Variants in TDRD1 observed in about 807,000 individuals in gnomAD.
The protein encoded by TDRD1 is tudor domain containing 1.
In TDRD1, 37 loss-of-function variants were observed where a neutral mutation model predicts 140.6. The observed-to-expected ratio is 0.26, with a 90% CI of 0.20 to 0.35. TDRD1 has a LOEUF of 0.35. TDRD1 is among the 10% of genes least tolerant of loss of function. The pLI is 1.00. For missense variants in TDRD1, 1,243 were observed against 1,393.0 expected (o/e 0.89, Z 1.71); for synonymous variants, 506 against 475.7 (o/e 1.06, Z -0.83).
intron 10 of TDRD1, 75 bp downstream of exon 10, chr10:114,204,968 C>T (rs946916004): frequency 2.6e-5 from 35 of 1,361,156 alleles, no homozygotes; most frequent in East Asian, 2.7e-5. Flanking sequence ...GAAACGGAAA[C>T]ATCAAGTGAG....
chr10:114,194,802 AGGCTGGAGTGTAGT>A (rs1380241093), intron 3 of TDRD1, among the ~76,000 whole-genome samples: 1 of 144,320 alleles, frequency 6.9e-6, no homozygotes, highest in East Asian at 2.0e-4. Flanking sequence ...TCTGTCATCC[AGGCTGGAGTGTAGT>A]GGCACAATCA....
At position 114,196,833 on chromosome 10, in the gene TDRD1, C is replaced by CTTTTTTTTTTTT. The variant is rs36124319; in HGVS notation, c.385-2321_385-2310dup. ...ACCAAATTTGGAAGTTTCTAGCAGT[C>CTTTTTTTTTTTT]TTTTTTTTTTTTTTTTTTTTTTTTT... On this transcript the variant is annotated intron_variant, in intron 3 of 25. Transcript: ENST00000251864. 2.0e-3 allele frequency among the ~76,000 whole-genome samples: 97 copies of CTTTTTTTTTTTT among 48,356 alleles called. 22 individuals are homozygous for CTTTTTTTTTTTT. Among genetic ancestry groups the CTTTTTTTTTTTT allele is most frequent in the Non-Finnish European group, 2.6e-3 (72 of 28,102 alleles). 31.7% of individuals were successfully genotyped at this position (48,356 alleles called of 152,430 possible).
intron 14 of TDRD1, among the ~76,000 whole-genome samples, chr10:114,212,335 A>C (rs2035538539): frequency 6.6e-6 from 1 of 152,180 alleles, no homozygotes; most frequent in African/African-American, 2.4e-5. Flanking sequence ...TATATCCCAA[A>C]ATACTTCCTT....
At chr10:114,187,764 C>T (rs937294684) in intron 1 of TDRD1, 62 bp from the exon 2 acceptor site, 12 of 1,348,834 alleles carry the variant, frequency 8.9e-6, no homozygotes, top group Non-Finnish European at 1.1e-5. Context: ...TTCCTCTGAG[C>T]CTGCAGTTCT....
intron 14 of TDRD1, 119 bp from the exon 15 acceptor site, chr10:114,213,227 A>C (rs1295485147): frequency 1.1e-6 from 1 of 872,802 alleles, no homozygotes; most frequent in Non-Finnish European, 1.7e-6. Context: ...TTCTTAAGTG[A>C]CACGTTTCCG....
At chr10:114,206,382 A>G (rs775794586) in intron 11 of TDRD1, 52 bp downstream of exon 11, 1 of 1,448,590 alleles carries the variant, frequency 6.9e-7, no homozygotes, top group South Asian at 1.2e-5. Context: ...ATTGAAGACC[A>G]TCTACCTACT....
At chr10:114,184,142 C>T (rs1449908166) in intron 1 of TDRD1, among the ~76,000 whole-genome samples, 1 of 151,536 alleles carries the variant, frequency 6.6e-6, no homozygotes, top group African/African-American at 2.4e-5. Flanking sequence ...ACCCACTAGG[C>T]AGAAAATGCA....
chr10:114,188,644 G>T (rs1205196586), intron 2 of TDRD1, among the ~76,000 whole-genome samples: 1 of 152,116 alleles, frequency 6.6e-6, no homozygotes, highest in Non-Finnish European at 1.5e-5. Flanking sequence ...AGATCACGAG[G>T]TCAGGAGTTC....
chr10:114,203,233 C>T (rs2034879881), intron 7 of TDRD1, 57 bp downstream of exon 7: 2 of 1,506,154 alleles, frequency 1.3e-6, no homozygotes, highest in African/African-American at 1.4e-5. Flanking sequence ...TATTTATTCT[C>T]GTTTCCTATT....
At chr10:114,217,870 G>T (rs1456465478) in intron 17 of TDRD1, among the ~76,000 whole-genome samples, 1 of 152,094 alleles carries the variant, frequency 6.6e-6, no homozygotes, top group African/African-American at 2.4e-5. Context: ...TTATTTTAAT[G>T]CTTTTCTTTC....
chr10:114,199,293 A>G (rs1208459333), exon 4 of TDRD1: 10 of 1,612,126 alleles, frequency 6.2e-6, no homozygotes, highest in Non-Finnish European at 8.5e-6. Context: ...TCGGTCCACA[A>G]CTTGCCATCG....
chr10:114,203,828 G>A (rs913433422), intron 8 of TDRD1, among the ~76,000 whole-genome samples: 3 of 152,206 alleles, frequency 2.0e-5, no homozygotes, highest in African/African-American at 7.2e-5. Context: ...AGGTATTAGT[G>A]TGTGATAGTC....
intron 23 of TDRD1, 24 bp from the exon 24 acceptor site, chr10:114,227,885 TG>T (rs773366923): frequency 3.6e-5 from 58 of 1,602,260 alleles, no homozygotes; most frequent in Non-Finnish European, 3.5e-5. Context: ...TGTTATCTAA[TG>T]GCTTATTTTT....
intron 25 of TDRD1, among the ~76,000 whole-genome samples, chr10:114,229,105 A>AC (rs1352753825): frequency 2.0e-5 from 3 of 151,874 alleles, no homozygotes; most frequent in Non-Finnish European, 4.4e-5. Context: ...ACAAAACAAA[A>AC]AAAAAAACAA....
chr10:114,227,374 C>A, intron 23 of TDRD1, 75 bp downstream of exon 23: 1 of 1,050,332 alleles, frequency 9.5e-7, no homozygotes, highest in Non-Finnish European at 1.5e-6. Flanking sequence ...GTTGACTTGA[C>A]CTTTTCTCAC....
intron 11 of TDRD1, among the ~76,000 whole-genome samples, chr10:114,209,990 TTTTTC>T (rs2035377846): frequency 6.6e-6 from 1 of 152,178 alleles, no homozygotes; most frequent in Admixed American, 6.5e-5. Context: ...ACCATGTACT[TTTTTC>T]ATTTCTGTGA....
chr10:114,226,072 G>A, exon 22 of TDRD1: 1 of 1,614,056 alleles, frequency 6.2e-7, no homozygotes, highest in South Asian at 1.1e-5. Flanking sequence ...GTATCGTGCA[G>A]TTGTTCTGGG....
intron 4 of TDRD1, 86 bp from the exon 5 acceptor site, chr10:114,201,324 G>A: frequency 1.9e-6 from 2 of 1,054,446 alleles, no homozygotes; most frequent in Admixed American, 3.6e-5. Context: ...CTCTTGCCAT[G>A]GCTAATAGAA....
intron 21 of TDRD1, among the ~76,000 whole-genome samples, chr10:114,224,839 TCTC>T (rs1336898598): frequency 1.3e-5 from 2 of 152,218 alleles, no homozygotes; most frequent in African/African-American, 4.8e-5. Context: ...TTTGTTTTGG[TCTC>T]CTCTGTGATG....
Sources: gnomAD v4.1 joint callset for allele counts (sites outside exome capture counted in the v4.1 genomes callset) on GRCh38, gnomAD v4.1.1 for gene constraint, MANE v1.5 for transcripts, NCBI Gene and HGNC (gene_info 2026-07-23, HGNC 2026-07-21) for gene names.